Variants in NOS1AP observed in about 807,000 individuals in gnomAD.
The protein encoded by NOS1AP is nitric oxide synthase 1 adaptor protein.
A neutral mutation model predicts 56.2 loss-of-function variants in NOS1AP; 21 were observed. The ratio of observed to expected loss-of-function variants is 0.37; its 90% CI spans 0.26 to 0.54. The LOEUF (loss-of-function observed/expected upper bound fraction) is 0.54, where lower values mean the gene tolerates loss of function less well. Ranked by LOEUF, NOS1AP falls within the 20% of genes least tolerant of loss-of-function variation. The pLI is 0.84. For missense variants in NOS1AP, 522 were observed against 657.8 expected, an observed-to-expected ratio of 0.79 and a Z score of 2.26; for synonymous variants, 270 against 274.6, an observed-to-expected ratio of 0.98 and a Z score of 0.17.
At chr1:162,345,282 A>G (rs1482613425) in intron 6 of NOS1AP, among the ~76,000 whole-genome samples, 1 of 148,916 alleles carries the variant, frequency 6.7e-6, no homozygotes, top group Non-Finnish European at 1.5e-5. Context: ...CATTAGGTAT[A>G]TCTCCCAAAG....
chr1:162,313,133 C>A (rs1656102842), intron 4 of NOS1AP, among the ~76,000 whole-genome samples: 1 of 152,178 alleles, frequency 6.6e-6, no homozygotes, highest in Non-Finnish European at 1.5e-5. Flanking sequence ...TCATTTCATG[C>A]CTCTATGTAG....
intron 4 of NOS1AP, among the ~76,000 whole-genome samples, chr1:162,327,027 C>T (rs1413328624): frequency 6.6e-6 from 1 of 152,114 alleles, no homozygotes; most frequent in African/African-American, 2.4e-5. Context: ...AGCTTAAAAA[C>T]AAGTATGAGT....
At position 162,139,538 on chromosome 1, in the gene NOS1AP, T is replaced by C. The variant is rs535985727; in HGVS notation, c.106-14867T>C. 9.2e-5 allele frequency among the ~76,000 whole-genome samples: 14 copies of C among 151,956 alleles called. No individual in the cohort carries two copies. In the South Asian group the frequency reaches 2.9e-3, roughly 32 times the overall value. On this transcript the variant is annotated intron_variant, in intron 1 of 9. Coordinates refer to ENST00000361897, the MANE Select transcript of NOS1AP (RefSeq NM_014697.3). ...TGTTGAATGGGATATATGGAGGGAG[T>C]GTTGAAAAGGCTTTGTTACGAGAGG... is the stretch of plus-strand genomic sequence containing the variant.
At chr1:162,239,534 TACTC>T (rs569530048) in intron 2 of NOS1AP, among the ~76,000 whole-genome samples, 66 of 152,274 alleles carry the variant, frequency 4.3e-4, no homozygotes, top group African/African-American at 1.2e-3. Context: ...TTTGCACACA[TACTC>T]ACACAGATCA....
intron 2 of NOS1AP, among the ~76,000 whole-genome samples, chr1:162,239,217 A>T (rs1277253948): frequency 1.3e-5 from 2 of 152,218 alleles, no homozygotes; most frequent in Non-Finnish European, 2.9e-5. Flanking sequence ...TATGGGCTCC[A>T]CATGGCCCCA....
intron 1 of NOS1AP, among the ~76,000 whole-genome samples, chr1:162,105,675 A>T (rs561832098): frequency 6.6e-6 from 1 of 152,308 alleles, no homozygotes; most frequent in South Asian, 2.1e-4. Flanking sequence ...TTAAAGAAGA[A>T]GTCTGGCCAC....
chr1:162,194,746 G>C (rs1411455770), intron 2 of NOS1AP, among the ~76,000 whole-genome samples: 1 of 152,164 alleles, frequency 6.6e-6, no homozygotes, highest in East Asian at 1.9e-4. Context: ...TTTCCTCGGG[G>C]GGTTGGGGCT....
chr1:162,327,581 TA>T (rs1434975511), intron 4 of NOS1AP, among the ~76,000 whole-genome samples: 2 of 152,164 alleles, frequency 1.3e-5, no homozygotes, highest in Admixed American at 6.5e-5. Context: ...GAGCTAGTCC[TA>T]AAAAACCAGT....
intron 1 of NOS1AP, among the ~76,000 whole-genome samples, chr1:162,146,956 T>A (rs1313190925): frequency 6.6e-6 from 1 of 152,208 alleles, no homozygotes; most frequent in African/African-American, 2.4e-5. Flanking sequence ...TTCCTATTTG[T>A]TACTTGTGGG....
chr1:162,283,370 G>A (rs1654995102), intron 2 of NOS1AP, among the ~76,000 whole-genome samples: 1 of 152,038 alleles, frequency 6.6e-6, no homozygotes. Context: ...GTCCCTTCAT[G>A]AGATGCCCAC....
At chr1:162,120,884 A>G (rs937521904) in intron 1 of NOS1AP, among the ~76,000 whole-genome samples, 1 of 152,174 alleles carries the variant, frequency 6.6e-6, no homozygotes, top group Non-Finnish European at 1.5e-5. Context: ...AAAAGTGTAG[A>G]TGCCTCTGCT....
At chr1:162,252,634 T>C (rs1280741757) in intron 2 of NOS1AP, among the ~76,000 whole-genome samples, 1 of 152,178 alleles carries the variant, frequency 6.6e-6, no homozygotes, top group Non-Finnish European at 1.5e-5. Flanking sequence ...ACCTGCCATC[T>C]TGTGAACTCA....
intron 2 of NOS1AP, among the ~76,000 whole-genome samples, chr1:162,199,724 G>C (rs1295076689): frequency 6.6e-6 from 1 of 152,002 alleles, no homozygotes; most frequent in Non-Finnish European, 1.5e-5. Flanking sequence ...TCCCCAGGTA[G>C]TCCTGTTCTG....
intron 6 of NOS1AP, among the ~76,000 whole-genome samples, chr1:162,349,401 A>G (rs1657416807): frequency 6.6e-6 from 1 of 152,218 alleles, no homozygotes; most frequent in Non-Finnish European, 1.5e-5. Context: ...TAACAACCAC[A>G]GAAATGAAGA....
At chr1:162,099,109 A>T (rs955655913) in intron 1 of NOS1AP, among the ~76,000 whole-genome samples, 1 of 152,156 alleles carries the variant, frequency 6.6e-6, no homozygotes, top group Non-Finnish European at 1.5e-5. Context: ...ACAATGGCTG[A>T]ACTAATTTAT....
chr1:162,098,941 C>T (rs1692311475), intron 1 of NOS1AP, among the ~76,000 whole-genome samples: 2 of 152,110 alleles, frequency 1.3e-5, no homozygotes, highest in African/African-American at 4.8e-5. Flanking sequence ...GATTCCATGT[C>T]TTTGCTACTG....
At chr1:162,334,281 A>T (rs1425683444) in intron 5 of NOS1AP, among the ~76,000 whole-genome samples, 1 of 152,192 alleles carries the variant, frequency 6.6e-6, no homozygotes, top group Non-Finnish European at 1.5e-5. Flanking sequence ...ATGGAGTTGG[A>T]TGAAAAGTGC....
At chr1:162,198,698 A>C (rs189947166) in intron 2 of NOS1AP, among the ~76,000 whole-genome samples, 1 of 152,220 alleles carries the variant, frequency 6.6e-6, no homozygotes, top group Admixed American at 6.5e-5. Context: ...TTCTTTCATT[A>C]TCTCGTGGAT....
chr1:162,362,038 C>T (rs1304356140), intron 8 of NOS1AP, among the ~76,000 whole-genome samples: 2 of 152,198 alleles, frequency 1.3e-5, no homozygotes, highest in Non-Finnish European at 2.9e-5. Context: ...AACTGAGGTC[C>T]AGAGAGAAGT....
Sources: allele counts gnomAD v4.1 joint callset (sites outside exome capture counted in the v4.1 genomes callset), GRCh38; gene constraint gnomAD v4.1.1; transcripts MANE v1.5; gene names NCBI Gene and HGNC (gene_info 2026-07-23, HGNC 2026-07-21).